The following AGAP4 variants were observed in gnomAD, a reference collection of about 807,000 sequenced individuals.
AGAP4 encodes ArfGAP with GTPase domain, ankyrin repeat and PH domain 4, also known as arf-GAP with GTPase, ANK repeat and PH domain-containing protein 4.
A neutral mutation model predicts 60.7 loss-of-function variants in AGAP4; 13 were observed. The observed-to-expected ratio is 0.21, with a 90% CI of 0.14 to 0.34. The LOEUF (loss-of-function observed/expected upper bound fraction) is 0.34, where lower values mean the gene tolerates loss of function less well. Among genes scored for constraint, AGAP4 ranks in the 10% least tolerant of loss-of-function variants. The pLI is 1.00. For missense variants in AGAP4, 169 were observed against 884.0 expected (o/e 0.19, Z 10.26); for synonymous variants, 70 against 339.0 (o/e 0.21, Z 8.72).
chr10:45,851,067 C>A (rs1355373082), upstream of AGAP4, among the ~76,000 whole-genome samples: 3 of 151,728 alleles, frequency 2.0e-5, no homozygotes, highest in Admixed American at 1.3e-4. Flanking sequence ...AATTGAGGCA[C>A]CTTGTATAAA....
chr10:45,838,078 T>A lies in AGAP4; in HGVS notation c.396+3575A>T, dbSNP rs1299209723. Among the ~76,000 whole-genome samples, 21 of 149,922 alleles carry A rather than the reference T, an allele frequency of 1.4e-4. 1 individual carries two copies. The East Asian group carries it at 3.3e-3, about 24-fold the overall frequency. Reference sequence around the variant, plus strand: ...GTGGATAAAGAAACCGTGATATACATACATATATATATATATATGAGGAAT... The same window carrying A: ...GTGGATAAAGAAACCGTGATATACAAACATATATATATATATATGAGGAAT... On this transcript the variant is annotated intron_variant, in intron 4 of 7. Coordinates refer to ENST00000616763, the MANE Select transcript of AGAP4 (RefSeq NM_001276343.3).
In AGAP4 at chr10:45,844,256, T is replaced by C. The variant is rs1166467618; in HGVS notation, c.361+70A>G. 354 of 1,575,958 alleles carry C rather than the reference T, an allele frequency of 2.2e-4. 1 individual carries two copies. Among genetic ancestry groups the C allele is most frequent in the Non-Finnish European group, 2.7e-4 (322 of 1,174,320 alleles). ...TTAAACCAATATGAGTTTTTCTAAA[T>C]ACTTTCTATAACCTGATCAAACAAG... On this transcript the variant is annotated intron_variant, in intron 3 of 7. Coordinates refer to ENST00000616763, the MANE Select transcript of AGAP4 (RefSeq NM_001276343.3).
chr10:45,849,642 T>C (rs1401209220), upstream of AGAP4, among the ~76,000 whole-genome samples: 1 of 149,584 alleles, frequency 6.7e-6, no homozygotes, highest in Non-Finnish European at 1.5e-5. Flanking sequence ...TGCTGAACAC[T>C]ATTTTTTTTT....
chr10:45,825,793 C>A lies in AGAP4; in HGVS notation c.*122G>T, dbSNP rs1432663004. 1 of 977,374 alleles carries A rather than the reference C, an allele frequency of 1.0e-6. No individual in the cohort carries two copies. Among genetic ancestry groups the A allele is most frequent in the Non-Finnish European group, 1.4e-6 (1 of 694,066 alleles). 60.5% of individuals were successfully genotyped at this position (977,374 alleles called of 1,614,324 possible). On this transcript the variant is annotated 3_prime_UTR_variant, in exon 8 of 8. Transcript: ENST00000616763. ...ACATTTTGTGTATTTACTTAGTTTA[C>A]GAAAAGTACTGAAAATGCTATTATT... is the stretch of plus-strand genomic sequence containing the variant.
chr10:45,851,696 G>T (rs1185332455), upstream of AGAP4, among the ~76,000 whole-genome samples: 1 of 151,006 alleles, frequency 6.6e-6, no homozygotes, highest in Non-Finnish European at 1.5e-5. Flanking sequence ...TAAAGGGAAA[G>T]AGCCAACAGA....
Position 45,826,320 on chromosome 10 carries a change from TG to T in AGAP4, c.1655del (p.Thr552LysfsTer64). The T allele has an allele frequency of 6.2e-7, 1 of 1,607,276 alleles. No homozygotes were observed. The highest frequency in any genetic ancestry group is 8.5e-7 in the Non-Finnish European group (1 of 1,176,526). ...CCCTCGTGGACTTTTCTGAGGGTTT[TG>T]TCTGCCCCTGGCTGCTCCCTTCCCA... Reference protein sequence around the residue: ...SIWEGSSQGQTKPSEKSTREE... With the variant: ...SIWEGSSQGQXKPSEKSTREE... On this transcript the variant is annotated frameshift_variant, in exon 8 of 8. Coordinates refer to ENST00000616763, the MANE Select transcript of AGAP4 (RefSeq NM_001276343.3). LOFTEE classifies it high-confidence loss of function.
upstream of AGAP4, among the ~76,000 whole-genome samples, chr10:45,849,829 G>A (rs1236859243): frequency 1.1e-4 from 17 of 151,298 alleles, no homozygotes; most frequent in South Asian, 2.1e-4. Context: ...TAGTAGAGAC[G>A]GGGTTTCTGC....
At chr10:45,851,272 C>A (rs1482406623), upstream of AGAP4, among the ~76,000 whole-genome samples, 252 of 152,072 alleles carry the variant, frequency 1.7e-3, 1 homozygote, top group East Asian at 6.2e-3. Context: ...AAAGTGAGCA[C>A]TGAGACTCAA....
chr10:45,853,331 G>C (rs1162480714), intron 1 of AGAP4, among the ~76,000 whole-genome samples: 32 of 151,230 alleles, frequency 2.1e-4, no homozygotes, highest in Admixed American at 9.9e-4. Flanking sequence ...ACATTCTTGA[G>C]ATATCTTAAT....
Position 45,843,616 on chromosome 10 carries a change from C to T in AGAP4, c.361+710G>A, listed in dbSNP as rs1327336809. ...TATAAAAACAAAGGTTACAAACTCC[C>T]GTGTTTTACTGTGCTGCATTACTTC... is the stretch of plus-strand genomic sequence containing the variant. On this transcript the variant is annotated intron_variant, in intron 3 of 7. Coordinates refer to ENST00000616763, the MANE Select transcript of AGAP4 (RefSeq NM_001276343.3). 4.0e-5 allele frequency among the ~76,000 whole-genome samples: 5 copies of T among 125,174 alleles called. 1 individual carries two copies. In the East Asian group the frequency reaches 7.3e-4, roughly 18 times the overall value. 82.1% of individuals were successfully genotyped at this position (125,174 alleles called of 152,430 possible). A position where few individuals can be genotyped will look rare whatever the true frequency, so the allele number is the denominator to read the frequency against.
chr10:45,844,235 A>G (rs2058965262), intron 3 of AGAP4, 91 bp downstream of exon 3: 1 of 1,368,326 alleles, frequency 7.3e-7, no homozygotes, highest in South Asian at 1.3e-5. Context: ...AAAATTTTAA[A>G]CCAATATGAG....
chr10:45,849,526 C>T (rs1489275909), upstream of AGAP4, among the ~76,000 whole-genome samples: 3 of 150,662 alleles, frequency 2.0e-5, no homozygotes, highest in African/African-American at 4.9e-5. Context: ...GCTCTTGTTG[C>T]CCAGTGAAAT....
chr10:45,849,410 TC>T (rs2059053227), upstream of AGAP4, among the ~76,000 whole-genome samples: 1 of 151,404 alleles, frequency 6.6e-6, no homozygotes, highest in Admixed American at 6.6e-5. Context: ...CAAAACCATA[TC>T]AGAAAGTAAA....
rs1450633041 is a variant in AGAP4 at position 45,839,750 on chromosome 10, A to T, written c.396+1903T>A. ...AATAAAGCAGGCCAGGAACCACCAC[A>T]CATTGGAGGGAAGCCTCCAAGAAAA... On this transcript the variant is annotated intron_variant, in intron 4 of 7. Transcript: ENST00000616763. Among the ~76,000 whole-genome samples, 11 of 117,370 alleles carry T rather than the reference A, an allele frequency of 9.4e-5. 1 individual carries two copies. Among genetic ancestry groups the T allele is most frequent in the Admixed American group, 8.7e-4 (11 of 12,688 alleles). 77.0% of individuals were successfully genotyped at this position (117,370 alleles called of 152,430 possible). A position where few individuals can be genotyped will look rare whatever the true frequency, so the allele number is the denominator to read the frequency against.
intron 2 of AGAP4, among the ~76,000 whole-genome samples, chr10:45,846,250 T>C (rs1554899448): frequency 6.6e-6 from 1 of 151,454 alleles, no homozygotes; most frequent in East Asian, 2.0e-4. Context: ...CACAACCATT[T>C]TTCTGCAGCC....
At chr10:45,853,410 A>G (rs1345573898) in intron 1 of AGAP4, among the ~76,000 whole-genome samples, 3 of 151,022 alleles carry the variant, frequency 2.0e-5, no homozygotes, top group African/African-American at 7.3e-5. Context: ...CTGTTAAGGT[A>G]CCTGGGTTAT....
At chr10:45,830,979 G>T (rs1389018463) in intron 6 of AGAP4, among the ~76,000 whole-genome samples, 8 of 120,972 alleles carry the variant, frequency 6.6e-5, no homozygotes, top group Middle Eastern at 3.8e-3. Context: ...ATTTTCTGTT[G>T]TTATAACCTG....
upstream of AGAP4, chr10:45,848,002 T>G: frequency 9.8e-7 from 1 of 1,015,708 alleles, no homozygotes; most frequent in Non-Finnish European, 1.2e-6. Context: ...TCTTCCTCTA[T>G]GAGTTCTATA....
chr10:45,834,416 C>T (rs2058778619), intron 4 of AGAP4, among the ~76,000 whole-genome samples: 1 of 142,040 alleles, frequency 7.0e-6, no homozygotes, highest in Admixed American at 6.9e-5. Flanking sequence ...TGGCTCACAC[C>T]TGTAATCCTA....
Sources: allele counts gnomAD v4.1 joint callset (sites outside exome capture counted in the v4.1 genomes callset), GRCh38; gene constraint gnomAD v4.1.1; transcripts MANE v1.5; gene names NCBI Gene and HGNC (gene_info 2026-07-23, HGNC 2026-07-21).